The following SLIT2 variants were observed in gnomAD, a reference collection of about 807,000 sequenced individuals.
The protein encoded by SLIT2 is slit homolog 2 protein.
A neutral mutation model predicts 185.7 loss-of-function variants in SLIT2; 41 were observed. The ratio of observed to expected loss-of-function variants is 0.22; its 90% CI spans 0.17 to 0.29. SLIT2 has a LOEUF of 0.29. SLIT2 is among the 10% of genes least tolerant of loss of function. SLIT2 has a pLI of 1.00. For synonymous variants in SLIT2, 693 were observed against 680.2 expected, an observed-to-expected ratio of 1.02 and a Z score of -0.29; for missense variants, 1,571 against 1,909.0, an observed-to-expected ratio of 0.82 and a Z score of 3.30.
Position 20,519,458 on chromosome 4 carries a change from G to T in SLIT2, c.1130+5G>T. 1 of 1,534,062 alleles carries T rather than the reference G, an allele frequency of 6.5e-7. No homozygotes were observed. Among genetic ancestry groups the T allele is most frequent in the Non-Finnish European group, 9.0e-7 (1 of 1,109,390 alleles). ...ACTGTTTTCCTTACAGCTCCTGTAA[G>T]TATTTGATTGTTTTGGATCTCTCGA... On this transcript the variant is annotated splice_donor_5th_base_variant and intron_variant, in intron 12 of 36. Transcript: ENST00000504154.
Position 20,519,666 on chromosome 4 carries a change from C to T in SLIT2, c.1130+213C>T, listed in dbSNP as rs112227330. ...AGTCCCCAAACCAATTTTATCTACA[C>T]TATCATGAATGTATGCATTCTGGCT... On this transcript the variant is annotated intron_variant, in intron 12 of 36. Transcript: ENST00000504154. Among the ~76,000 whole-genome samples, 28 of 152,232 alleles carry T rather than the reference C, an allele frequency of 1.8e-4. 1 individual carries two copies. The highest frequency in any genetic ancestry group is 1.0e-3 in the South Asian group (5 of 4,820).
chr4:20,524,611 G>T (rs1721125662), intron 14 of SLIT2, among the ~76,000 whole-genome samples: 1 of 152,210 alleles, frequency 6.6e-6, no homozygotes, highest in Non-Finnish European at 1.5e-5. Context: ...AAGTACAGGG[G>T]CGCCAGGAGG....
At chr4:20,282,108 G>A (rs755202201) in intron 4 of SLIT2, among the ~76,000 whole-genome samples, 1 of 152,070 alleles carries the variant, frequency 6.6e-6, no homozygotes, top group African/African-American at 2.4e-5. Context: ...TGTGACAGAG[G>A]GGTAATAATG....
chr4:20,311,023 A>G (rs537367097), intron 4 of SLIT2, among the ~76,000 whole-genome samples: 1 of 152,296 alleles, frequency 6.6e-6, no homozygotes, highest in African/African-American at 2.4e-5. Flanking sequence ...TAGCTGGATT[A>G]CAAGTTCATG....
chr4:20,553,420 A>G (rs1723956032), intron 25 of SLIT2, among the ~76,000 whole-genome samples: 1 of 152,166 alleles, frequency 6.6e-6, no homozygotes, highest in African/African-American at 2.4e-5. Context: ...CATTATTTAT[A>G]TTTGGGTCCT....
At chr4:20,308,830 A>G (rs374474668) in intron 4 of SLIT2, among the ~76,000 whole-genome samples, 1 of 152,198 alleles carries the variant, frequency 6.6e-6, no homozygotes, top group Admixed American at 6.5e-5. Context: ...GTACATACAA[A>G]CAAACATATA....
chr4:20,524,717 C>T (rs1356389983), intron 14 of SLIT2, among the ~76,000 whole-genome samples: 2 of 152,052 alleles, frequency 1.3e-5, no homozygotes, highest in Non-Finnish European at 2.9e-5. Flanking sequence ...TTTCCAAAAG[C>T]TATTTTTAAA....
chr4:20,305,008 A>G (rs1462041483), intron 4 of SLIT2, among the ~76,000 whole-genome samples: 1 of 152,234 alleles, frequency 6.6e-6, no homozygotes, highest in African/African-American at 2.4e-5. Context: ...TTTTGTTGCT[A>G]GTACACTAGA....
chr4:20,445,704 G>A (rs948197711), intron 4 of SLIT2, among the ~76,000 whole-genome samples: 1 of 152,134 alleles, frequency 6.6e-6, no homozygotes, highest in Admixed American at 6.5e-5. Flanking sequence ...AGTATCCAAG[G>A]GTTCTAAGCT....
intron 4 of SLIT2, among the ~76,000 whole-genome samples, chr4:20,452,798 A>G (rs1049473269): frequency 6.6e-6 from 1 of 152,174 alleles, no homozygotes; most frequent in African/African-American, 2.4e-5. Context: ...GGCAGCCTGC[A>G]TTGAGAAGCA....
At chr4:20,313,989 C>T (rs61333152) in intron 4 of SLIT2, among the ~76,000 whole-genome samples, 36,252 of 152,082 alleles carry the variant, frequency 0.24, 5,246 homozygotes, top group East Asian at 0.6. Context: ...AAATATTTTT[C>T]ATCTCTTATG....
At chr4:20,569,270 T>A (rs1725362009) in intron 29 of SLIT2, 1 of 395,324 alleles carries the variant, frequency 2.5e-6, no homozygotes, top group South Asian at 2.7e-5. Context: ...CTAAAGCTTT[T>A]AGTCCCACAA....
intron 4 of SLIT2, among the ~76,000 whole-genome samples, chr4:20,360,620 G>T (rs1207978947): frequency 1.0e-5 from 1 of 96,080 alleles, no homozygotes. Context: ...TAAATAAAAT[G>T]GTATACGTTA....
chr4:20,542,696 T>C (rs1164929070), intron 21 of SLIT2, 70 bp downstream of exon 21: 10 of 1,471,534 alleles, frequency 6.8e-6, no homozygotes, highest in Non-Finnish European at 8.5e-6. Context: ...CCCAGAGGAA[T>C]GGACAAAAAT....
chr4:20,477,274 G>A (rs1018872160), intron 5 of SLIT2, among the ~76,000 whole-genome samples: 9 of 151,056 alleles, frequency 6.0e-5, no homozygotes, highest in African/African-American at 1.5e-4. Context: ...CGATTTTGGC[G>A]CGCTGCAACC....
At chr4:20,567,182 ACCATTACATTAAGG>A (rs1295310780) in intron 26 of SLIT2, 66 bp from the exon 27 acceptor site, 2 of 1,193,954 alleles carry the variant, frequency 1.7e-6, no homozygotes, top group Non-Finnish European at 2.4e-6. Flanking sequence ...TATGAAATTT[ACCATTACATTAAGG>A]CATACAAGTA....
chr4:20,504,766 C>G (rs1023308446), intron 9 of SLIT2, among the ~76,000 whole-genome samples: 2 of 151,744 alleles, frequency 1.3e-5, no homozygotes, highest in Non-Finnish European at 2.9e-5. Context: ...TGCAATAGTC[C>G]CCCCTCTTCC....
At chr4:20,460,169 A>AT (rs1394786776) in intron 4 of SLIT2, among the ~76,000 whole-genome samples, 1 of 151,446 alleles carries the variant, frequency 6.6e-6, no homozygotes, top group Non-Finnish European at 1.5e-5. Context: ...GGCCATAAAT[A>AT]TTTTTTCTTT....
At chr4:20,394,070 A>G (rs959962908) in intron 4 of SLIT2, among the ~76,000 whole-genome samples, 3 of 152,032 alleles carry the variant, frequency 2.0e-5, no homozygotes, top group African/African-American at 7.2e-5. Context: ...ATCAGCCTCA[A>G]TCACACAGTA....
Sources: allele counts gnomAD v4.1 joint callset (sites outside exome capture counted in the v4.1 genomes callset), GRCh38; gene constraint gnomAD v4.1.1; transcripts MANE v1.5; gene names NCBI Gene and HGNC (gene_info 2026-07-23, HGNC 2026-07-21).